DCTN6: variants seen among roughly 807,000 people sequenced by gnomAD.
The protein encoded by DCTN6 is dynactin subunit 6, also known as dynactin 6.
In DCTN6, 15 loss-of-function variants were observed where a neutral mutation model predicts 25.8. The ratio of observed to expected loss-of-function variants is 0.58; its 90% confidence interval spans 0.39 to 0.89. The LOEUF (loss-of-function observed/expected upper bound fraction) is 0.89. Ranked by LOEUF, DCTN6 falls within the 40% of genes least tolerant of loss-of-function variation. The probability of loss-of-function intolerance (pLI) is 0.00; values close to 1 mark genes in which losing one functional copy is unlikely to be tolerated. For synonymous variants in DCTN6, 64 were observed against 78.3 expected, an observed-to-expected ratio of 0.82 and a Z score of 0.96; for missense variants, 198 against 237.6, an observed-to-expected ratio of 0.83 and a Z score of 1.09.
chr8:30,161,078 G>A (rs1241377066), intron 1 of DCTN6, among the ~76,000 whole-genome samples: 2 of 152,128 alleles, frequency 1.3e-5, no homozygotes, highest in South Asian at 2.1e-4. Context: ...GGAGGGACCC[G>A]TAATCCAAGT....
intron 2 of DCTN6, among the ~76,000 whole-genome samples, chr8:30,170,558 TAATAA>T: frequency 6.6e-6 from 1 of 152,278 alleles, no homozygotes; most frequent in South Asian, 2.1e-4. Context: ...GTAATAACAA[TAATAA>T]AATAAAATAC....
intron 1 of DCTN6, among the ~76,000 whole-genome samples, chr8:30,157,194 T>A (rs1442836540): frequency 1.3e-5 from 2 of 152,214 alleles, no homozygotes; most frequent in Non-Finnish European, 2.9e-5. Context: ...ACATGTGCAT[T>A]TGATTTTATT....
intron 2 of DCTN6, among the ~76,000 whole-genome samples, chr8:30,170,115 G>A (rs535053105): frequency 6.6e-6 from 1 of 151,770 alleles, no homozygotes; most frequent in South Asian, 2.1e-4. Context: ...GGAGGTTGCA[G>A]TGAACTGAGA....
At chr8:30,159,449 G>A (rs1330457761) in intron 1 of DCTN6, among the ~76,000 whole-genome samples, 2 of 152,008 alleles carry the variant, frequency 1.3e-5, no homozygotes, top group Non-Finnish European at 2.9e-5. Flanking sequence ...TACTTGGGGG[G>A]AAGATTCTGG....
intron 3 of DCTN6, among the ~76,000 whole-genome samples, chr8:30,176,186 A>G (rs916529492): frequency 6.6e-6 from 1 of 152,226 alleles, no homozygotes; most frequent in African/African-American, 2.4e-5. Context: ...AAAGATAGCT[A>G]GCATCTTCTT....
intron 4 of DCTN6, among the ~76,000 whole-genome samples, chr8:30,178,236 G>A (rs747921476): frequency 6.6e-6 from 1 of 152,092 alleles, no homozygotes; most frequent in African/African-American, 2.4e-5. Context: ...GGCCGAGGCG[G>A]GCAGATCACC....
intron 2 of DCTN6, among the ~76,000 whole-genome samples, chr8:30,166,086 A>T (rs1803665354): frequency 6.6e-6 from 1 of 152,104 alleles, no homozygotes; most frequent in Non-Finnish European, 1.5e-5. Flanking sequence ...CTTTTTACTC[A>T]TCATTTTACT....
intron 1 of DCTN6, among the ~76,000 whole-genome samples, chr8:30,160,068 T>G (rs1803577642): frequency 6.6e-6 from 1 of 152,176 alleles, no homozygotes; most frequent in South Asian, 2.1e-4. Flanking sequence ...TCAGGAATCA[T>G]CCCTTCCCAG....
chr8:30,177,471 C>T, intron 4 of DCTN6: 1 of 232,468 alleles, frequency 4.3e-6, no homozygotes, highest in Non-Finnish European at 8.4e-6. Context: ...CTGTGGGAGG[C>T]CGAAGCTGGC....
intron 3 of DCTN6, among the ~76,000 whole-genome samples, chr8:30,176,295 C>T (rs193219398): frequency 2.0e-5 from 3 of 152,002 alleles, no homozygotes; most frequent in East Asian, 3.9e-4. Flanking sequence ...TTTGGGAGGC[C>T]GAGGCGGGCA....
chr8:30,169,437 G>C (rs902951575), intron 2 of DCTN6, among the ~76,000 whole-genome samples: 1 of 152,182 alleles, frequency 6.6e-6, no homozygotes, highest in African/African-American at 2.4e-5. Flanking sequence ...GTGGCACCAA[G>C]CCCAGCCAAC....
rs368492550 is a variant in DCTN6, at chr8:30,180,623, G to A, written c.467G>A (p.Arg156Gln). 41 of 1,613,826 alleles carry A rather than the reference G, an allele frequency of 2.5e-5. No homozygotes were observed. The highest frequency in any genetic ancestry group is 8.9e-5 in the East Asian group (4 of 44,898). Residue 156 changes from arginine (R) to glutamine (Q), a missense_variant, in exon 6 of 7, where the codon CGA (arginine) becomes CAA (glutamine). By Grantham distance (43) the Arg-to-Gln change is conservative (BLOSUM62 1). Transcript: ENST00000221114. ...TGCCTTCGTCGGGTGCAGACTGAGC[G>A]ACCGCAGGTACTAGAACCTCTCTTT... is the stretch of plus-strand genomic sequence containing the variant. ...ADCLRRVQTERPQPQTLQLDF... is the reference protein window; with the variant it reads ...ADCLRRVQTEQPQPQTLQLDF...
At chr8:30,176,616 G>A (rs1319797786) in intron 3 of DCTN6, 1 of 152,904 alleles carries the variant, frequency 6.5e-6, no homozygotes, top group African/African-American at 2.4e-5. Flanking sequence ...TCACTTTTCA[G>A]TAGCTCTCTT....
intron 1 of DCTN6, among the ~76,000 whole-genome samples, chr8:30,161,562 C>G (rs1803594649): frequency 6.6e-6 from 1 of 152,122 alleles, no homozygotes. Context: ...TATTCATGGG[C>G]TGATCCTGCT....
intron 1 of DCTN6, among the ~76,000 whole-genome samples, chr8:30,162,751 C>T (rs1333437246): frequency 3.3e-5 from 5 of 152,018 alleles, no homozygotes; most frequent in East Asian, 1.9e-4. Context: ...ATTTGTACTA[C>T]AATTTATATT....
At chr8:30,167,132 A>C (rs2117583339) in intron 2 of DCTN6, among the ~76,000 whole-genome samples, 1 of 151,712 alleles carries the variant, frequency 6.6e-6, no homozygotes, top group East Asian at 1.9e-4. Flanking sequence ...GGAAGGAAGG[A>C]GAAAAAAGAA....
intron 2 of DCTN6, among the ~76,000 whole-genome samples, chr8:30,166,556 G>T (rs376410224): frequency 4.0e-4 from 61 of 152,080 alleles, no homozygotes; most frequent in African/African-American, 1.3e-3. Context: ...TATGTGGTGG[G>T]GGGGGTATGT....
At chr8:30,171,772 T>C (rs1179406978) in intron 2 of DCTN6, among the ~76,000 whole-genome samples, 1 of 152,202 alleles carries the variant, frequency 6.6e-6, no homozygotes, top group Non-Finnish European at 1.5e-5. Context: ...CTCTTAGTAG[T>C]AAATAGTGAT....
At chr8:30,170,992 A>C (rs1803755285) in intron 2 of DCTN6, among the ~76,000 whole-genome samples, 1 of 152,124 alleles carries the variant, frequency 6.6e-6, no homozygotes, top group African/African-American at 2.4e-5. Flanking sequence ...AATTTTTAAA[A>C]ATTTTTAAAA....
Sources: allele counts gnomAD v4.1 joint callset (sites outside exome capture counted in the v4.1 genomes callset), GRCh38; gene constraint gnomAD v4.1.1; transcripts MANE v1.5; gene names NCBI Gene and HGNC (gene_info 2026-07-23, HGNC 2026-07-21).